PEAK1: variants seen among roughly 807,000 people sequenced by gnomAD.
PEAK1 encodes inactive tyrosine-protein kinase PEAK1.
Under a neutral mutation model 124.7 loss-of-function variants are expected in PEAK1, and 54 were observed. That is an observed-to-expected ratio of 0.43 (90% CI 0.35 to 0.54). PEAK1 has a LOEUF of 0.54. PEAK1 is among the 20% of genes least tolerant of loss of function. The probability of loss-of-function intolerance (pLI) is 0.01; values close to 1 mark genes in which losing one functional copy is unlikely to be tolerated. For synonymous variants in PEAK1, 719 were observed against 760.0 expected (o/e 0.95, Z 0.89); for missense variants, 2,046 against 2,134.5 (o/e 0.96, Z 0.82).
chr15:77,209,646 A>G (rs563122304), intron 6 of PEAK1, among the ~76,000 whole-genome samples: 1 of 152,332 alleles, frequency 6.6e-6, no homozygotes, highest in African/African-American at 2.4e-5. Flanking sequence ...GCACAATGGG[A>G]TGATAATAAC....
At chr15:77,347,095 G>T in intron 2 of PEAK1, 1 of 516,346 alleles carries the variant, frequency 1.9e-6, no homozygotes, top group Non-Finnish European at 2.5e-6. Context: ...GGGACAAGGA[G>T]TAGAAGACTT....
At chr15:77,397,475 T>C (rs1234870044) in intron 1 of PEAK1, among the ~76,000 whole-genome samples, 1 of 146,828 alleles carries the variant, frequency 6.8e-6, no homozygotes, top group East Asian at 2.0e-4. Context: ...ATAAATAAAA[T>C]AGAAACAAAA....
chr15:77,378,567 A>T (rs1007723822), intron 1 of PEAK1, among the ~76,000 whole-genome samples: 1 of 152,024 alleles, frequency 6.6e-6, no homozygotes, highest in African/African-American at 2.4e-5. Context: ...ATACTAACAC[A>T]CTCTTTACTA....
chr15:77,244,347 A>G (rs1022906659), intron 6 of PEAK1, among the ~76,000 whole-genome samples: 4 of 152,178 alleles, frequency 2.6e-5, no homozygotes, highest in African/African-American at 9.7e-5. Context: ...TTAGCTATCA[A>G]ATTAACAACA....
At chr15:77,377,926 C>A (rs1263468498) in intron 1 of PEAK1, among the ~76,000 whole-genome samples, 1 of 152,138 alleles carries the variant, frequency 6.6e-6, no homozygotes, top group Non-Finnish European at 1.5e-5. Context: ...TAGAGCCCAA[C>A]TCCTTTACTT....
chr15:77,100,773 A>T (rs1490487129), exon 7 of PEAK1: 2 of 152,264 alleles, frequency 1.3e-5, no homozygotes, highest in East Asian at 3.8e-4. Context: ...ATCCAAGGAC[A>T]CTCGGCCCAC....
intron 9 of PEAK1, among the ~76,000 whole-genome samples, chr15:77,129,377 T>C (rs747693676): frequency 6.6e-6 from 1 of 152,006 alleles, no homozygotes; most frequent in Non-Finnish European, 1.5e-5. Context: ...ATGACTGCAG[T>C]GGATTTGGTA....
chr15:77,112,305 C>T lies in PEAK1; in HGVS notation c.*1851G>A, dbSNP rs2051022089. On this transcript the variant is annotated 3_prime_UTR_variant, in exon 10 of 10. Coordinates refer to ENST00000682557, the MANE Select transcript of PEAK1 (RefSeq NM_001385026.1). ...TCCTTTCCTGATCCTCTTTGTTATA[C>T]ATGAATCACATGAAAAGCTGTTAAA... 1 of 152,224 alleles carries T rather than the reference C, an allele frequency of 6.6e-6. No individual in the cohort carries two copies. Among genetic ancestry groups the T allele is most frequent in the African/African-American group, 2.4e-5 (1 of 41,454 alleles). The allele number at this position is 152,224 out of a possible 1,614,324, so 9.4% of individuals were successfully genotyped here. A position where few individuals can be genotyped will look rare whatever the true frequency, so the allele number is the denominator to read the frequency against.
chr15:77,135,507 C>T (rs1374032198), intron 8 of PEAK1, among the ~76,000 whole-genome samples: 1 of 152,180 alleles, frequency 6.6e-6, no homozygotes, highest in East Asian at 1.9e-4. Context: ...AGGCTACAAA[C>T]CTGTACAACA....
intron 2 of PEAK1, chr15:77,350,652 CACT>C: frequency 1.0e-6 from 1 of 983,852 alleles, no homozygotes; most frequent in Non-Finnish European, 1.2e-6. Flanking sequence ...GACATAGCAT[CACT>C]ACAGATCCCC....
At chr15:77,152,422 T>C (rs2054725884) in intron 8 of PEAK1, among the ~76,000 whole-genome samples, 1 of 152,136 alleles carries the variant, frequency 6.6e-6, no homozygotes, top group Non-Finnish European at 1.5e-5. Flanking sequence ...TATACAATCA[T>C]GTCATCTGCA....
At chr15:77,108,093 C>T (rs970807368), downstream of PEAK1, 11 of 152,410 alleles carry the variant, frequency 7.2e-5, no homozygotes, top group Admixed American at 1.3e-4. Flanking sequence ...ATAACCATGT[C>T]TGCAACCAAA....
intron 9 of PEAK1, among the ~76,000 whole-genome samples, chr15:77,118,341 G>A (rs2051585759): frequency 6.6e-6 from 1 of 151,966 alleles, no homozygotes; most frequent in South Asian, 2.1e-4. Context: ...AGCCTGCAAT[G>A]ATGTTAATTT....
At chr15:77,335,679 C>G (rs1166693233) in intron 2 of PEAK1, 1 of 764,732 alleles carries the variant, frequency 1.3e-6, no homozygotes, top group African/African-American at 1.9e-5. Context: ...AGGGTCTTGC[C>G]CAGGCTGACC....
intron 8 of PEAK1, among the ~76,000 whole-genome samples, chr15:77,143,798 A>G (rs997367380): frequency 1.3e-5 from 2 of 152,186 alleles, no homozygotes; most frequent in Admixed American, 6.5e-5. Context: ...CTTGTGTTCC[A>G]TTCTGAATTC....
intron 9 of PEAK1, among the ~76,000 whole-genome samples, chr15:77,131,271 G>A (rs1253775464): frequency 2.0e-5 from 3 of 152,290 alleles, no homozygotes; most frequent in South Asian, 2.1e-4. Context: ...CAAGGTGGGC[G>A]GATCACGAGG....
At chr15:77,187,713 T>C (rs1319096167) in intron 6 of PEAK1, among the ~76,000 whole-genome samples, 12 of 152,212 alleles carry the variant, frequency 7.9e-5, no homozygotes, top group Admixed American at 7.9e-4. Flanking sequence ...ATCTGTCACA[T>C]TGCCATGGAG....
At chr15:77,338,034 G>A in intron 2 of PEAK1, 1 of 981,960 alleles carries the variant, frequency 1.0e-6, no homozygotes, top group Middle Eastern at 5.3e-4. Flanking sequence ...TTTTTCAAAT[G>A]TGTAAAGCAG....
intron 1 of PEAK1, among the ~76,000 whole-genome samples, chr15:77,399,767 G>A (rs774735028): frequency 7.2e-5 from 11 of 152,086 alleles, no homozygotes; most frequent in Non-Finnish European, 1.3e-4. Context: ...AACATTTCTC[G>A]AATAATACTC....
Sources: gnomAD v4.1 joint callset for allele counts (sites outside exome capture counted in the v4.1 genomes callset) on GRCh38, gnomAD v4.1.1 for gene constraint, MANE v1.5 for transcripts, NCBI Gene and HGNC (gene_info 2026-07-23, HGNC 2026-07-21) for gene names.